The following CDH13 variants were observed in gnomAD, a reference collection of about 807,000 sequenced individuals.
The protein encoded by CDH13 is cadherin-13.
In CDH13, 24 loss-of-function variants were observed where a neutral mutation model predicts 63.8. That is an observed-to-expected ratio of 0.38 (90% CI 0.27 to 0.53). The LOEUF (loss-of-function observed/expected upper bound fraction) is 0.53. Ranked by LOEUF, CDH13 falls within the 20% of genes least tolerant of loss-of-function variation. The pLI is 0.85. For synonymous variants in CDH13, 503 were observed against 355.3 expected, an observed-to-expected ratio of 1.42 and a Z score of -4.67; for missense variants, 1,049 against 903.1, an observed-to-expected ratio of 1.16 and a Z score of -2.07.
chr16:83,382,363 A>T (rs558926540), intron 6 of CDH13, among the ~76,000 whole-genome samples: 1 of 152,350 alleles, frequency 6.6e-6, no homozygotes, highest in South Asian at 2.1e-4. Flanking sequence ...ATTAATGGAA[A>T]TATTTTATTC....
intron 5 of CDH13, among the ~76,000 whole-genome samples, chr16:83,224,204 A>T (rs182103107): frequency 2.0e-5 from 3 of 152,178 alleles, no homozygotes; most frequent in Non-Finnish European, 4.4e-5. Flanking sequence ...ATTCTACCAT[A>T]TATATATGTA....
At chr16:83,753,739 A>T (rs1043941095) in intron 11 of CDH13, among the ~76,000 whole-genome samples, 3 of 152,126 alleles carry the variant, frequency 2.0e-5, no homozygotes, top group African/African-American at 7.2e-5. Flanking sequence ...TTTATGCCAA[A>T]ACATGTTGAT....
intron 1 of CDH13, among the ~76,000 whole-genome samples, chr16:82,818,771 C>G (rs553683143): frequency 1.3e-5 from 2 of 152,300 alleles, no homozygotes; most frequent in Non-Finnish European, 2.9e-5. Context: ...GGGCAAGTCT[C>G]TGTAAAGGCC....
chr16:82,931,893 G>C (rs928643496), intron 2 of CDH13, among the ~76,000 whole-genome samples: 3 of 152,104 alleles, frequency 2.0e-5, no homozygotes, highest in Non-Finnish European at 4.4e-5. Context: ...ATGAGATTTG[G>C]GTGAGGACAC....
chr16:82,866,864 A>G (rs1567614156), intron 2 of CDH13, among the ~76,000 whole-genome samples: 3 of 152,180 alleles, frequency 2.0e-5, no homozygotes, highest in Admixed American at 2.0e-4. Context: ...AGAGCAGCAT[A>G]GAGGAAACCA....
At position 83,435,115 on chromosome 16, in the gene CDH13, C is replaced by A. The variant is rs142000529; in HGVS notation, c.782-51362C>A. ...AGGCTGAAGTGCAACGGCACAATCT[C>A]GGCTTACTGCAACCTCCACCTCCCC... On this transcript the variant is annotated intron_variant, in intron 6 of 13. Coordinates refer to ENST00000567109, the MANE Select transcript of CDH13 (RefSeq NM_001257.5). 6.9e-3 allele frequency among the ~76,000 whole-genome samples: 1,041 copies of A among 151,740 alleles called. 10 individuals are homozygous for A. The highest frequency in any genetic ancestry group is 0.01 in the Non-Finnish European group (700 of 67,950).
Position 83,544,875 on chromosome 16 carries a change from C to G in CDH13, c.961-57579C>G, listed in dbSNP as rs148808765. On this transcript the variant is annotated intron_variant, in intron 7 of 13. Transcript: ENST00000567109. ...AAATACATCTAACAATGTCTGGCCACAGTATAAGCTCAATAAATGTTAGTT... is the reference window on the plus strand; with the variant it reads ...AAATACATCTAACAATGTCTGGCCAGAGTATAAGCTCAATAAATGTTAGTT... Among the ~76,000 whole-genome samples the G allele has an allele frequency of 2.6e-5, 4 of 152,272 alleles. No homozygotes were observed. In the South Asian group the frequency reaches 6.2e-4, roughly 24 times the overall value.
At chr16:83,392,659 C>G (rs998223627) in intron 6 of CDH13, among the ~76,000 whole-genome samples, 1 of 152,168 alleles carries the variant, frequency 6.6e-6, no homozygotes, top group African/African-American at 2.4e-5. Context: ...TTCCCAAGAC[C>G]AAGCCCTAAG....
chr16:83,177,903 T>C (rs2038192786), intron 4 of CDH13, among the ~76,000 whole-genome samples: 1 of 152,218 alleles, frequency 6.6e-6, no homozygotes, highest in African/African-American at 2.4e-5. Context: ...AGAGCAAGAC[T>C]GTTTATCTTG....
At chr16:83,344,283 G>A (rs1450139053) in intron 5 of CDH13, among the ~76,000 whole-genome samples, 1 of 152,136 alleles carries the variant, frequency 6.6e-6, no homozygotes. Context: ...GTTCCCTATG[G>A]AAGTGATTCA....
chr16:83,560,535 T>C (rs985381652), intron 7 of CDH13, among the ~76,000 whole-genome samples: 6 of 152,156 alleles, frequency 3.9e-5, no homozygotes, highest in African/African-American at 1.4e-4. Context: ...ATTGGTGTGG[T>C]ATTAGACAAC....
chr16:82,765,699 G>A (rs1435246070), intron 1 of CDH13, among the ~76,000 whole-genome samples: 1 of 152,006 alleles, frequency 6.6e-6, no homozygotes, highest in Non-Finnish European at 1.5e-5. Flanking sequence ...GCTAATTTTC[G>A]GTGTTAAACA....
chr16:83,635,564 G>A (rs1008051773), intron 8 of CDH13, among the ~76,000 whole-genome samples: 5 of 151,696 alleles, frequency 3.3e-5, no homozygotes, highest in East Asian at 3.9e-4. Flanking sequence ...GGCTGGTCTC[G>A]AACTCCTGAC....
At chr16:83,460,085 A>C (rs1226192272) in intron 6 of CDH13, among the ~76,000 whole-genome samples, 1 of 152,218 alleles carries the variant, frequency 6.6e-6, no homozygotes, top group African/African-American at 2.4e-5. Context: ...AGTAAAAAAT[A>C]ACTAAGAGAT....
intron 6 of CDH13, among the ~76,000 whole-genome samples, chr16:83,441,688 CTG>C (rs1335436808): frequency 6.6e-6 from 1 of 152,106 alleles, no homozygotes; most frequent in African/African-American, 2.4e-5. Context: ...TCAGTTAGCT[CTG>C]TGACAGTGAA....
intron 7 of CDH13, among the ~76,000 whole-genome samples, chr16:83,560,530 T>G (rs1461058676): frequency 6.6e-6 from 1 of 152,078 alleles, no homozygotes; most frequent in Non-Finnish European, 1.5e-5. Context: ...AGGGGATTGG[T>G]GTGGTATTAG....
intron 1 of CDH13, among the ~76,000 whole-genome samples, chr16:82,808,776 C>G (rs73606816): frequency 0.084 from 12,851 of 152,148 alleles, 596 homozygotes; most frequent in East Asian, 0.19. Flanking sequence ...GTTAAGCAGT[C>G]TTCCCAAACT....
intron 4 of CDH13, among the ~76,000 whole-genome samples, chr16:83,183,006 T>TA (rs907155447): frequency 2.4e-4 from 37 of 151,690 alleles, no homozygotes; most frequent in Admixed American, 8.5e-4. Context: ...AAATAAAAAT[T>TA]AAAAAAAAAC....
intron 2 of CDH13, among the ~76,000 whole-genome samples, chr16:82,939,016 C>G (rs1367016202): frequency 3.9e-5 from 6 of 152,212 alleles, no homozygotes; most frequent in Non-Finnish European, 8.8e-5. Context: ...AGGCACAGAA[C>G]TGCACATCCT....
Sources: gnomAD v4.1 joint callset for allele counts (sites outside exome capture counted in the v4.1 genomes callset) on GRCh38, gnomAD v4.1.1 for gene constraint, MANE v1.5 for transcripts, NCBI Gene and HGNC (gene_info 2026-07-23, HGNC 2026-07-21) for gene names.